Variants in LRRC61 observed in about 807,000 individuals in gnomAD.
LRRC61 encodes the protein leucine-rich repeat-containing protein 61.
Under a neutral mutation model 15.1 loss-of-function variants are expected in LRRC61, and 9 were observed. That is an observed-to-expected ratio of 0.60 (90% CI 0.36 to 1.04). The LOEUF (loss-of-function observed/expected upper bound fraction) is 1.04, where lower values mean the gene tolerates loss of function less well. Among genes scored for constraint, LRRC61 ranks in the 50% least tolerant of loss-of-function variants. LRRC61 has a pLI of 0.01. For synonymous variants in LRRC61, 173 were observed against 158.6 expected (o/e 1.09, Z -0.68); for missense variants, 344 against 335.6 (o/e 1.03, Z -0.20).
At position 150,323,508 on chromosome 7, in the gene LRRC61, C is replaced by G; in HGVS notation, c.-367C>G. ...CCGGCTCTGCGGTGCGGAGTTGCGC[C>G]GGACTTCCCAGCTTGGCCAGTGGCT... is the stretch of plus-strand genomic sequence containing the variant. On this transcript the variant is annotated 5_prime_UTR_variant, in exon 1 of 3. Coordinates refer to ENST00000359623, the MANE Select transcript of LRRC61 (RefSeq NM_001142928.2). 4.6e-6 allele frequency: 2 copies of G among 434,472 alleles called. No homozygotes were observed. Among genetic ancestry groups the G allele is most frequent in the Admixed American group, 2.5e-5 (1 of 39,820 alleles). 26.9% of individuals were successfully genotyped at this position (434,472 alleles called of 1,614,324 possible).
chr7:150,323,531 G>C lies in LRRC61; in HGVS notation c.-344G>C. On this transcript the variant is annotated 5_prime_UTR_variant, in exon 1 of 3. Coordinates refer to ENST00000359623, the MANE Select transcript of LRRC61 (RefSeq NM_001142928.2). ...GCCGGACTTCCCAGCTTGGCCAGTG[G>C]CTCCGCAGGCTGCCGGCTCCACCCC... is the stretch of plus-strand genomic sequence containing the variant. 1 of 437,646 alleles carries C rather than the reference G, an allele frequency of 2.3e-6. No homozygotes were observed. The highest frequency in any genetic ancestry group is 2.5e-5 in the Admixed American group (1 of 40,118). The allele number at this position is 437,646 out of a possible 1,614,324, so 27.1% of individuals were successfully genotyped here. A position where few individuals can be genotyped will look rare whatever the true frequency, so the allele number is the denominator to read the frequency against.
chr7:150,321,324 A>T (rs1230404329), upstream of LRRC61, among the ~76,000 whole-genome samples: 1 of 152,204 alleles, frequency 6.6e-6, no homozygotes, highest in Non-Finnish European at 1.5e-5. Context: ...TTGTTTGAAT[A>T]ATTTTTCTTT....
chr7:150,330,510 G>T lies in LRRC61; in HGVS notation c.-145+4500G>T. 1 of 780,086 alleles carries T rather than the reference G, an allele frequency of 1.3e-6. No homozygotes were observed. 48.3% of individuals were successfully genotyped at this position (780,086 alleles called of 1,614,324 possible). On this transcript the variant is annotated intron_variant, in intron 2 of 2. Coordinates refer to ENST00000359623, the MANE Select transcript of LRRC61 (RefSeq NM_001142928.2). This position sits in a 1 kb window ranked among gnomAD's most constrained non-coding sequence, Gnocchi z 4.6. ...GGAGCAGGTTCACACACACTTTCAG[G>T]AGCAGAGTGTCGGGGAGAGGGGCGC... is the stretch of plus-strand genomic sequence containing the variant.
the LRRC61 span, among the ~76,000 whole-genome samples, chr7:150,311,816 C>T: frequency 6.6e-6 from 1 of 152,202 alleles, no homozygotes; most frequent in African/African-American, 2.4e-5. Flanking sequence ...CCACTACTTC[C>T]CAACAAGCGG....
chr7:150,312,051 G>T, the LRRC61 span, among the ~76,000 whole-genome samples: 19 of 152,174 alleles, frequency 1.2e-4, no homozygotes, highest in Non-Finnish European at 2.4e-4. Flanking sequence ...TCACTGTAAA[G>T]GACACCAGAA....
At chr7:150,332,966 A>T (rs1002338343) in intron 2 of LRRC61, among the ~76,000 whole-genome samples, 1 of 152,092 alleles carries the variant, frequency 6.6e-6, no homozygotes, top group Admixed American at 6.6e-5. Context: ...CCTGACTCAC[A>T]TGTCGGGGCG....
chr7:150,323,602 G>A, intron 1 of LRRC61, 42 bp downstream of exon 1: 1 of 450,740 alleles, frequency 2.2e-6, no homozygotes, highest in Non-Finnish European at 4.5e-6. Context: ...GAAGGGGGCG[G>A]CTGTCGGGGC....
Position 150,333,791 on chromosome 7 carries a change from T to C in LRRC61, c.-144-2927T>C, listed in dbSNP as rs916213727. Among the ~76,000 whole-genome samples, 1 of 152,220 alleles carries C rather than the reference T, an allele frequency of 6.6e-6. No homozygotes were observed. Reference sequence around the variant, plus strand: ...TGCGGGAAGCCATCCTCCTTGTGTCTGCGGGCAGCCTGATGGTTAGTTGGG... The same window carrying C: ...TGCGGGAAGCCATCCTCCTTGTGTCCGCGGGCAGCCTGATGGTTAGTTGGG... On this transcript the variant is annotated intron_variant, in intron 2 of 2. Coordinates refer to ENST00000359623, the MANE Select transcript of LRRC61 (RefSeq NM_001142928.2). This position sits in a 1 kb window ranked among gnomAD's most constrained non-coding sequence, Gnocchi z 4.3.
chr7:150,321,954 G>A (rs1024699535), upstream of LRRC61, among the ~76,000 whole-genome samples: 1 of 152,186 alleles, frequency 6.6e-6, no homozygotes, highest in Non-Finnish European at 1.5e-5. Flanking sequence ...CCAGCCCCTT[G>A]AATATGTCCA....
chr7:150,318,377 C>G (rs1051252592), upstream of LRRC61, among the ~76,000 whole-genome samples: 1 of 152,162 alleles, frequency 6.6e-6, no homozygotes, highest in Non-Finnish European at 1.5e-5. Context: ...CCTCCAGAAC[C>G]GTGAGACAAT....
At chr7:150,327,778 C>A (rs1473272339) in intron 2 of LRRC61, among the ~76,000 whole-genome samples, 1 of 151,008 alleles carries the variant, frequency 6.6e-6, no homozygotes, top group Non-Finnish European at 1.5e-5. Flanking sequence ...CAAGATTGTA[C>A]CACTCCACTA....
chr7:150,331,179 A>G lies in LRRC61; in HGVS notation c.-145+5169A>G, dbSNP rs114804403. 1,459 of 1,478,904 alleles carry G rather than the reference A, an allele frequency of 9.9e-4. 14 individuals are homozygous for G. The African/African-American group carries it at 0.018, about 18-fold the overall frequency. 91.6% of individuals were successfully genotyped at this position (1,478,904 alleles called of 1,614,324 possible). On this transcript the variant is annotated intron_variant, in intron 2 of 2. Transcript: ENST00000359623. Reference sequence around the variant, plus strand: ...AGCAAAACTCTTCTCTCAAGGTGGAAGCCATTGAGCATCTCCTCTTCTTGA... The same window carrying G: ...AGCAAAACTCTTCTCTCAAGGTGGAGGCCATTGAGCATCTCCTCTTCTTGA...
At chr7:150,315,109 T>C in the LRRC61 span, among the ~76,000 whole-genome samples, 2 of 147,360 alleles carry the variant, frequency 1.4e-5, no homozygotes, top group Non-Finnish European at 3.0e-5. Context: ...ATTTATATTA[T>C]TTATTTTATA....
intron 2 of LRRC61, among the ~76,000 whole-genome samples, chr7:150,336,273 T>A (rs1406618002): frequency 1.3e-5 from 2 of 152,256 alleles, no homozygotes; most frequent in Admixed American, 6.5e-5. Flanking sequence ...ACATGTGCTC[T>A]CGTTTGCATT....
At chr7:150,314,463 G>A in the LRRC61 span, among the ~76,000 whole-genome samples, 1 of 152,090 alleles carries the variant, frequency 6.6e-6, no homozygotes, top group Admixed American at 6.6e-5. Flanking sequence ...GAAGGAAATA[G>A]GGAAAGAAAA....
chr7:150,334,169 A>G (rs1798207330), intron 2 of LRRC61: 3 of 961,632 alleles, frequency 3.1e-6, no homozygotes, highest in Non-Finnish European at 3.7e-6. Flanking sequence ...ATCTCCATCT[A>G]AAAAGCCACT....
chr7:150,330,073 C>T lies in LRRC61; in HGVS notation c.-145+4063C>T. 1 of 302,476 alleles carries T rather than the reference C, an allele frequency of 3.3e-6. No homozygotes were observed. Among genetic ancestry groups the T allele is most frequent in the Non-Finnish European group, 6.2e-6 (1 of 161,238 alleles). The allele number at this position is 302,476 out of a possible 1,614,324, so 18.7% of individuals were successfully genotyped here. A position where few individuals can be genotyped will look rare whatever the true frequency, so the allele number is the denominator to read the frequency against. ...CCTTGTTTCGCCCACTGCCTCGACT[C>T]CCTGGTGAGAAACTTTCTGTGTCAC... is the stretch of plus-strand genomic sequence containing the variant. On this transcript the variant is annotated intron_variant, in intron 2 of 2. Transcript: ENST00000359623. The surrounding 1 kb of genome is among the most constrained non-coding windows in gnomAD (Gnocchi z 4.6).
chr7:150,325,413 T>C (rs898408859), intron 1 of LRRC61, among the ~76,000 whole-genome samples: 1 of 152,230 alleles, frequency 6.6e-6, no homozygotes. Flanking sequence ...TGGAATCTTG[T>C]CTTGTTGTGG....
chr7:150,326,200 C>G (rs1322807318), intron 2 of LRRC61, among the ~76,000 whole-genome samples, 190 bp downstream of exon 2: 1 of 152,240 alleles, frequency 6.6e-6, no homozygotes, highest in African/African-American at 2.4e-5. Flanking sequence ...GCCAGCCAGG[C>G]AGCTACTCTC....
Sources: gnomAD v4.1 joint callset for allele counts (sites outside exome capture counted in the v4.1 genomes callset) on GRCh38, gnomAD v4.1.1 for gene constraint, Gnocchi (gnomAD v3.1) non-coding constraint, MANE v1.5 for transcripts, NCBI Gene and HGNC (gene_info 2026-07-23, HGNC 2026-07-21) for gene names.